FBLN7: variants seen among roughly 807,000 people sequenced by gnomAD.
The protein encoded by FBLN7 is fibulin 7.
FBLN7 carries 31 observed loss-of-function variants against 44.0 expected under a neutral mutation model. The ratio of observed to expected loss-of-function variants is 0.70; its 90% CI spans 0.53 to 0.95. FBLN7 has a LOEUF of 0.95. Ranked by LOEUF, FBLN7 falls within the 40% of genes least tolerant of loss-of-function variation. FBLN7 has a pLI of 0.00. For synonymous variants in FBLN7, 262 were observed against 253.4 expected (o/e 1.03, Z -0.32); for missense variants, 573 against 618.5 (o/e 0.93, Z 0.78).
the FBLN7 span, among the ~76,000 whole-genome samples, chr2:112,237,743 T>C: frequency 6.6e-6 from 1 of 151,864 alleles, no homozygotes; most frequent in Non-Finnish European, 1.5e-5. Context: ...ACCCTGATAC[T>C]TTTTTTTATT....
intron 7 of FBLN7, among the ~76,000 whole-genome samples, chr2:112,186,154 C>T (rs536286140): frequency 7.2e-4 from 110 of 152,198 alleles, no homozygotes; most frequent in Non-Finnish European, 2.6e-4. Flanking sequence ...GGATAGGGAA[C>T]GGGTCTATGA....
At chr2:112,238,396 A>T in the FBLN7 span, 1 of 1,613,652 alleles carries the variant, frequency 6.2e-7, no homozygotes, top group Non-Finnish European at 8.5e-7. Context: ...GCTTGTATGT[A>T]CTGTTGAAGC....
Position 112,179,988 on chromosome 2 carries a change from C to T in FBLN7, c.533-1751C>T, listed in dbSNP as rs550794679. Among the ~76,000 whole-genome samples, 38 of 152,226 alleles carry T rather than the reference C, an allele frequency of 2.5e-4. 3 individuals carry two copies. The South Asian group carries it at 7.5e-3, about 30-fold the overall frequency. ...TACAACAAAAGCAAAAATTGACAAA[C>T]GGATTCTAATTAAACTTAAGAGCTT... On this transcript the variant is annotated intron_variant, in intron 4 of 7. Coordinates refer to ENST00000331203, the MANE Select transcript of FBLN7 (RefSeq NM_153214.3).
At chr2:112,197,274 C>CACACACACACAGAG in the FBLN7 span, among the ~76,000 whole-genome samples, 352 of 98,614 alleles carry the variant, frequency 3.6e-3, 3 homozygotes, top group Middle Eastern at 6.0e-3. Context: ...CACACACACA[C>CACACACACACAGAG]AGAGAGAGAG....
At chr2:112,204,149 T>C in the FBLN7 span, among the ~76,000 whole-genome samples, 3 of 151,150 alleles carry the variant, frequency 2.0e-5, no homozygotes, top group Admixed American at 1.3e-4. Flanking sequence ...AATAGAAATA[T>C]TAAGTTGAAA....
the FBLN7 span, among the ~76,000 whole-genome samples, chr2:112,226,412 C>A: frequency 2.0e-5 from 3 of 151,624 alleles, no homozygotes; most frequent in Non-Finnish European, 4.4e-5. Context: ...CACGGTGAAA[C>A]CCCGTCTCTA....
the FBLN7 span, among the ~76,000 whole-genome samples, chr2:112,206,043 G>A: frequency 1.3e-5 from 2 of 152,120 alleles, no homozygotes; most frequent in Admixed American, 6.6e-5. Context: ...TGACTTCAAC[G>A]TCTTCAATAG....
the FBLN7 span, among the ~76,000 whole-genome samples, chr2:112,196,866 C>T: frequency 2.6e-5 from 4 of 152,146 alleles, no homozygotes; most frequent in African/African-American, 9.7e-5. Context: ...GGAGGCCTCA[C>T]AATCATAGCG....
At position 112,187,723 on chromosome 2, in the gene FBLN7, T is replaced by G; in HGVS notation, c.*217T>G. On this transcript the variant is annotated 3_prime_UTR_variant, in exon 8 of 8. Transcript: ENST00000331203. This position sits in a 1 kb window ranked among gnomAD's most constrained non-coding sequence, Gnocchi z 5.1. ...GCCATCACTCTTTTTTTTTTTCTGC[T>G]TTGAGGCCCTTCCCTTAGATTATGC... is the stretch of plus-strand genomic sequence containing the variant. The G allele has an allele frequency of 1.7e-6, 1 of 600,802 alleles. No individual in the cohort carries two copies. The highest frequency in any genetic ancestry group is 3.2e-5 in the Admixed American group (1 of 31,220). 37.2% of individuals were successfully genotyped at this position (600,802 alleles called of 1,614,324 possible).
the FBLN7 span, among the ~76,000 whole-genome samples, chr2:112,201,437 C>T: frequency 6.6e-6 from 1 of 152,228 alleles, no homozygotes; most frequent in Non-Finnish European, 1.5e-5. Flanking sequence ...TCCAGGGTAC[C>T]CTGTTCCCTG....
At chr2:112,180,637 G>A in intron 4 of FBLN7, among the ~76,000 whole-genome samples, 1 of 152,112 alleles carries the variant, frequency 6.6e-6, no homozygotes, top group East Asian at 1.9e-4. Flanking sequence ...TGCGGTACAT[G>A]GGGCTGGGCG....
At chr2:112,239,631 C>A in the FBLN7 span, among the ~76,000 whole-genome samples, 1 of 133,458 alleles carries the variant, frequency 7.5e-6, no homozygotes, top group Non-Finnish European at 1.5e-5. Context: ...ATTGCCCAGG[C>A]TGGAGTGCAG....
intron 1 of FBLN7, among the ~76,000 whole-genome samples, chr2:112,156,070 G>A (rs1045375530): frequency 6.6e-6 from 1 of 152,216 alleles, no homozygotes; most frequent in African/African-American, 2.4e-5. Flanking sequence ...CTGGATGTGG[G>A]CAAGGACGTC....
the FBLN7 span, among the ~76,000 whole-genome samples, chr2:112,244,141 C>T: frequency 1.3e-5 from 2 of 151,584 alleles, no homozygotes; most frequent in Non-Finnish European, 2.9e-5. Context: ...TTAAGAATGC[C>T]AAGAATGAAG....
chr2:112,147,348 C>T (rs575546020), intron 1 of FBLN7, among the ~76,000 whole-genome samples: 250 of 152,288 alleles, frequency 1.6e-3, no homozygotes, highest in African/African-American at 5.7e-3. Flanking sequence ...GGGACCACTC[C>T]GCATTTCTAC....
At chr2:112,184,364 C>A (rs888359463) in intron 6 of FBLN7, among the ~76,000 whole-genome samples, 2 of 152,176 alleles carry the variant, frequency 1.3e-5, no homozygotes, top group South Asian at 4.1e-4. Flanking sequence ...TGGGGCCCCG[C>A]TGCAGGGCTC....
the FBLN7 span, among the ~76,000 whole-genome samples, chr2:112,208,557 C>T: frequency 6.6e-6 from 1 of 152,096 alleles, no homozygotes; most frequent in South Asian, 2.1e-4. Flanking sequence ...TTTGATCCAT[C>T]CACTTCTTCC....
At chr2:112,159,254 T>G (rs55958600) in intron 1 of FBLN7, among the ~76,000 whole-genome samples, 4,204 of 147,400 alleles carry the variant, frequency 0.029, 77 homozygotes, top group Middle Eastern at 0.052. Flanking sequence ...TGGGCATTCC[T>G]GTTTTGCCTG....
the FBLN7 span, among the ~76,000 whole-genome samples, chr2:112,236,966 C>G: frequency 6.6e-6 from 1 of 152,192 alleles, no homozygotes. Context: ...TAGGCTAAGG[C>G]AGGAGGATTG....
Sources: gnomAD v4.1 joint callset for allele counts (sites outside exome capture counted in the v4.1 genomes callset) on GRCh38, gnomAD v4.1.1 for gene constraint, Gnocchi (gnomAD v3.1) non-coding constraint, MANE v1.5 for transcripts, NCBI Gene and HGNC (gene_info 2026-07-23, HGNC 2026-07-21) for gene names.